Variants in TBL1X observed in about 807,000 individuals in gnomAD.
TBL1X encodes F-box-like/WD repeat-containing protein TBL1X.
In TBL1X, 10 loss-of-function variants were observed where a neutral mutation model predicts 50.7. That is an observed-to-expected ratio of 0.20 (90% CI 0.12 to 0.33). The LOEUF (loss-of-function observed/expected upper bound fraction) is 0.33, where lower values mean the gene tolerates loss of function less well. Ranked by LOEUF, TBL1X falls within the 10% of genes least tolerant of loss-of-function variation. The pLI, the probability that TBL1X is intolerant of heterozygous loss-of-function variation, is 1.00. For missense variants in TBL1X, 340 were observed against 504.4 expected, an observed-to-expected ratio of 0.67 and a Z score of 3.12; for synonymous variants, 190 against 214.7, an observed-to-expected ratio of 0.88 and a Z score of 1.01.
chrX:9,502,453 G>A (rs2254572), intron 2 of TBL1X, among the ~76,000 whole-genome samples: 1 of 110,965 alleles, frequency 9.0e-6, no homozygotes, highest in Admixed American at 9.5e-5. Flanking sequence ...TGCTCCTCCC[G>A]CCCAGCTTTG....
At chrX:9,622,757 C>T (rs961919590) in intron 2 of TBL1X, among the ~76,000 whole-genome samples, 4 of 112,352 alleles carry the variant, frequency 3.6e-5, no homozygotes, top group African/African-American at 1.3e-4. Context: ...TCACCTTGGC[C>T]TCCCAAAGTG....
At chrX:9,708,466 G>A (rs138420284) in intron 13 of TBL1X, among the ~76,000 whole-genome samples, 2 of 111,850 alleles carry the variant, frequency 1.8e-5, no homozygotes, top group South Asian at 3.7e-4. Flanking sequence ...CCCTTACCCC[G>A]CTTGAACTCC....
At chrX:9,499,942 C>T (rs757249874) in intron 1 of TBL1X, among the ~76,000 whole-genome samples, 8 of 108,576 alleles carry the variant, frequency 7.4e-5, no homozygotes, top group African/African-American at 2.4e-4. Context: ...CAGGCCATTG[C>T]ACTCCAGCCT....
intron 2 of TBL1X, among the ~76,000 whole-genome samples, chrX:9,577,444 C>T (rs41325846): frequency 0.027 from 2,984 of 111,585 alleles, 93 homozygotes; most frequent in African/African-American, 0.092. Context: ...CTGCTCAAAA[C>T]CGCTGGTACT....
intron 3 of TBL1X, among the ~76,000 whole-genome samples, chrX:9,650,745 C>T (rs1439577047): frequency 1.8e-5 from 2 of 111,820 alleles, no homozygotes; most frequent in Admixed American, 1.9e-4. Context: ...TTCAATTTTT[C>T]AAACACTCAC....
intron 5 of TBL1X, among the ~76,000 whole-genome samples, chrX:9,660,904 T>G (rs2082894408): frequency 8.9e-6 from 1 of 112,393 alleles, no homozygotes; most frequent in African/African-American, 3.2e-5. Flanking sequence ...AAGGGGATGG[T>G]ATTTGGGGGT....
intron 6 of TBL1X, among the ~76,000 whole-genome samples, chrX:9,686,141 C>T (rs932027993): frequency 1.3e-4 from 15 of 111,589 alleles, no homozygotes; most frequent in African/African-American, 4.6e-4. Flanking sequence ...ACTGTGTGCC[C>T]GGGATCTTCC....
chrX:9,469,777 C>G (rs972236624), intron 1 of TBL1X, among the ~76,000 whole-genome samples: 2 of 111,849 alleles, frequency 1.8e-5, no homozygotes, highest in Admixed American at 1.9e-4. Context: ...ACAGTCACCC[C>G]CCCCAGCCCC....
chrX:9,685,491 C>G (rs1478498299), intron 6 of TBL1X, among the ~76,000 whole-genome samples: 2 of 110,269 alleles, frequency 1.8e-5, no homozygotes, highest in African/African-American at 6.6e-5. Flanking sequence ...GCTTCTCTTT[C>G]TCCTACTCTG....
intron 2 of TBL1X, among the ~76,000 whole-genome samples, chrX:9,513,193 T>A (rs12853280): frequency 1.8e-5 from 2 of 111,409 alleles, no homozygotes; most frequent in South Asian, 7.6e-4. Context: ...TTTTATTTTT[T>A]AAGTTAAAAG....
chrX:9,470,806 G>A (rs2081809862), intron 1 of TBL1X, among the ~76,000 whole-genome samples: 1 of 110,618 alleles, frequency 9.0e-6, no homozygotes, highest in African/African-American at 3.3e-5. Flanking sequence ...GGCTAATTTT[G>A]TATTTTTAGT....
chrX:9,682,730 C>T (rs1424447474), intron 5 of TBL1X, among the ~76,000 whole-genome samples: 1 of 112,139 alleles, frequency 8.9e-6, no homozygotes, highest in Admixed American at 9.4e-5. Flanking sequence ...GAATGAAAGG[C>T]GGCGGAAGAG....
chrX:9,664,510 T>G (rs570594640), intron 5 of TBL1X, among the ~76,000 whole-genome samples: 1 of 110,762 alleles, frequency 9.0e-6, no homozygotes, highest in South Asian at 4.0e-4. Context: ...ATACGGACAT[T>G]GCTTGAATGT....
chrX:9,552,075 C>T (rs1046838907), intron 2 of TBL1X, among the ~76,000 whole-genome samples: 4 of 112,210 alleles, frequency 3.6e-5, no homozygotes, highest in Non-Finnish European at 7.5e-5. Flanking sequence ...TGAGGTGGCA[C>T]TGGAAGGAGG....
At chrX:9,599,969 G>A (rs2082546188) in intron 2 of TBL1X, among the ~76,000 whole-genome samples, 1 of 111,752 alleles carries the variant, frequency 8.9e-6, no homozygotes, top group South Asian at 3.7e-4. Flanking sequence ...GGAGAGGGCA[G>A]GACAGCCAGT....
intron 4 of TBL1X, 50 bp from the exon 5 acceptor site, chrX:9,654,165 A>G (rs376246266): frequency 1.6e-5 from 18 of 1,109,693 alleles, no homozygotes; most frequent in African/African-American, 7.4e-5. Flanking sequence ...AAAAAAAAAA[A>G]AGAGAAAAAT....
rs1441165295 is a variant in TBL1X at position 9,506,235 on chromosome X, G to A, written c.-131+4386G>A. Among the ~76,000 whole-genome samples the A allele has an allele frequency of 5.4e-5, 6 of 111,788 alleles. No individual in the cohort carries two copies. The Admixed American group carries it at 5.7e-4, about 11-fold the overall frequency. ...ATAATGACATTAAGGCAGAAATCTA[G>A]TATTTCTTTGAAACCAATGAGAACA... On this transcript the variant is annotated intron_variant, in intron 2 of 17. Coordinates refer to ENST00000645353, the MANE Select transcript of TBL1X (RefSeq NM_005647.4).
intron 2 of TBL1X, among the ~76,000 whole-genome samples, chrX:9,619,517 G>A (rs182921621): frequency 1.1e-4 from 12 of 111,788 alleles, no homozygotes; most frequent in African/African-American, 3.9e-4. Flanking sequence ...CTACCTTCCC[G>A]GTCTTGCTGC....
chrX:9,692,876 C>T (rs987035800), intron 9 of TBL1X, among the ~76,000 whole-genome samples: 4 of 112,620 alleles, frequency 3.6e-5, no homozygotes, highest in African/African-American at 6.5e-5. Flanking sequence ...AGAGATACGT[C>T]GTGCAGCCCA....
Sources: gnomAD v4.1 joint callset for allele counts (sites outside exome capture counted in the v4.1 genomes callset) on GRCh38, gnomAD v4.1.1 for gene constraint, MANE v1.5 for transcripts, NCBI Gene and HGNC (gene_info 2026-07-23, HGNC 2026-07-21) for gene names.